Variants in CC2D2B observed in about 807,000 individuals in gnomAD.
CC2D2B encodes coiled-coil and C2 domain containing 2B, also known as protein CC2D2B.
A neutral mutation model predicts 161.2 loss-of-function variants in CC2D2B; 128 were observed. The observed-to-expected ratio is 0.79, with a 90% CI of 0.69 to 0.92. The LOEUF (loss-of-function observed/expected upper bound fraction) is 0.92, where lower values mean the gene tolerates loss of function less well. Ranked by LOEUF, CC2D2B falls within the 40% of genes least tolerant of loss-of-function variation. The pLI is 0.00. For synonymous variants in CC2D2B, 391 were observed against 449.8 expected, an observed-to-expected ratio of 0.87 and a Z score of 1.65; for missense variants, 1,173 against 1,375.1, an observed-to-expected ratio of 0.85 and a Z score of 2.32.
intron 5 of CC2D2B, among the ~76,000 whole-genome samples, 179 bp downstream of exon 5, chr10:95,925,023 G>C (rs2098535907): frequency 6.6e-6 from 1 of 152,076 alleles, no homozygotes; most frequent in Admixed American, 6.6e-5. Flanking sequence ...CTCTTTATCA[G>C]TGATTGCCCA....
intron 9 of CC2D2B, among the ~76,000 whole-genome samples, chr10:95,945,061 C>T (rs1218440709): frequency 2.6e-5 from 4 of 152,218 alleles, no homozygotes; most frequent in Admixed American, 2.6e-4. Context: ...CACAGCATTC[C>T]TCCCTTCCAG....
At chr10:95,946,173 C>A (rs886342524) in intron 9 of CC2D2B, among the ~76,000 whole-genome samples, 50 of 152,336 alleles carry the variant, frequency 3.3e-4, no homozygotes, top group East Asian at 5.8e-4. Context: ...ATAAGGAACA[C>A]ATAAAGTACT....
chr10:95,924,438 G>A (rs1255559302), intron 4 of CC2D2B, 48 bp downstream of exon 4: 3 of 1,016,926 alleles, frequency 3.0e-6, no homozygotes, highest in African/African-American at 3.3e-5. Context: ...ATTTAAATGA[G>A]ACATTTAACA....
intron 19 of CC2D2B, among the ~76,000 whole-genome samples, chr10:95,987,688 A>T (rs1344315228): frequency 1.3e-5 from 2 of 152,198 alleles, no homozygotes; most frequent in African/African-American, 4.8e-5. Context: ...TAGTCAACAC[A>T]CATTAACTAC....
intron 6 of CC2D2B, among the ~76,000 whole-genome samples, chr10:95,936,960 C>T (rs998201513): frequency 1.3e-5 from 2 of 152,100 alleles, no homozygotes; most frequent in Admixed American, 1.3e-4. Flanking sequence ...CAAAGAGAGC[C>T]CCCATGTGGA....
chr10:95,950,261 TG>T (rs1193034527), intron 10 of CC2D2B, among the ~76,000 whole-genome samples, 156 bp downstream of exon 10: 1 of 152,168 alleles, frequency 6.6e-6, no homozygotes, highest in Non-Finnish European at 1.5e-5. Flanking sequence ...ATTGACTGGC[TG>T]GGGAGAAAGC....
chr10:96,024,941 G>A, intron 33 of CC2D2B, 30 bp downstream of exon 33: 1 of 1,373,188 alleles, frequency 7.3e-7, no homozygotes, highest in Non-Finnish European at 1.0e-6. Context: ...TCTCTTGTTG[G>A]GTTACCTTTC....
At position 95,999,447 on chromosome 10, in the gene CC2D2B, T is replaced by C. The variant is rs182403168; in HGVS notation, c.2849+3195T>C. 5.7e-3 allele frequency among the ~76,000 whole-genome samples: 872 copies of C among 152,206 alleles called. 5 individuals carry two copies. Among genetic ancestry groups the C allele is most frequent in the Middle Eastern group, 0.014 (4 of 294 alleles). The stretch of plus-strand genomic sequence containing the variant: ...AATGACCTTTCATTACTTTTGTCTG[T>C]TTTTCTTTTTTTTTTCTTTTTGGAA... On this transcript the variant is annotated intron_variant, in intron 24 of 34. Coordinates refer to ENST00000646931, the MANE Select transcript of CC2D2B (RefSeq NM_001349008.3).
chr10:96,029,290 A>ATCTATATATATATG (rs1564689352), intron 34 of CC2D2B, among the ~76,000 whole-genome samples: 18 of 92,058 alleles, frequency 2.0e-4, no homozygotes, highest in Non-Finnish European at 2.4e-4. Flanking sequence ...ATATATGTAT[A>ATCTATATATATATG]TATATATATA....
chr10:95,918,893 G>A (rs1467955378), intron 2 of CC2D2B: 5 of 151,922 alleles, frequency 3.3e-5, no homozygotes, highest in Admixed American at 3.3e-4. Flanking sequence ...CAATTCTAAT[G>A]TTGGGAGACT....
chr10:95,934,255 G>A (rs1424519166), intron 6 of CC2D2B, among the ~76,000 whole-genome samples: 1 of 152,120 alleles, frequency 6.6e-6, no homozygotes, highest in Non-Finnish European at 1.5e-5. Context: ...GTCCCAGGTC[G>A]ACTTCAGACT....
Position 95,992,578 on chromosome 10 carries a change from A to G in CC2D2B, c.2523A>G (p.Lys841=), listed in dbSNP as rs1030535750. 5 of 1,234,156 alleles carry G rather than the reference A, an allele frequency of 4.1e-6. No individual in the cohort carries two copies. The African/African-American group carries it at 6.2e-5, about 15-fold the overall frequency. The allele number at this position is 1,234,156 out of a possible 1,614,324, so 76.5% of individuals were successfully genotyped here. A position where few individuals can be genotyped will look rare whatever the true frequency, so the allele number is the denominator to read the frequency against. Residue 841 remains lysine, a synonymous_variant, in exon 22 of 35, where the codon AAA becomes AAG. Transcript: ENST00000646931. ...CKFVEPRRKL[K]PQRKERKKVT... ...TTGTTGAACCACGGAGAAAGTTAAAACCTCAGAGGAAAGAAAGGAAAAAAG... is the reference window on the plus strand; with the variant it reads ...TTGTTGAACCACGGAGAAAGTTAAAGCCTCAGAGGAAAGAAAGGAAAAAAG...
chr10:95,914,915 A>G (rs1489912174), intron 2 of CC2D2B, among the ~76,000 whole-genome samples: 1 of 152,196 alleles, frequency 6.6e-6, no homozygotes, highest in African/African-American at 2.4e-5. Context: ...TAGGTTCCCT[A>G]TAAATTTTAG....
At chr10:95,991,225 A>G (rs2077944136) in intron 20 of CC2D2B, 145 bp from the exon 21 acceptor site, 2 of 333,692 alleles carry the variant, frequency 6.0e-6, no homozygotes, top group South Asian at 1.6e-4. Flanking sequence ...AGCAAACAGA[A>G]GAGTATTTTC....
intron 2 of CC2D2B, among the ~76,000 whole-genome samples, chr10:95,914,407 G>C (rs967196784): frequency 5.9e-5 from 9 of 152,036 alleles, no homozygotes; most frequent in African/African-American, 1.9e-4. Flanking sequence ...GAAGTCAGTG[G>C]TATGGTTTGG....
At chr10:95,967,021 A>C (rs1175742461) in intron 14 of CC2D2B, among the ~76,000 whole-genome samples, 1 of 152,102 alleles carries the variant, frequency 6.6e-6, no homozygotes, top group African/African-American at 2.4e-5. Flanking sequence ...GTACCAGTCC[A>C]TCATTGAGTA....
intron 25 of CC2D2B, among the ~76,000 whole-genome samples, chr10:96,008,576 A>C (rs1351824500): frequency 6.6e-6 from 1 of 152,138 alleles, no homozygotes; most frequent in Non-Finnish European, 1.5e-5. Flanking sequence ...TCAAACTTTT[A>C]AACTTTAGCC....
intron 6 of CC2D2B, among the ~76,000 whole-genome samples, chr10:95,934,245 G>A (rs557211282): frequency 6.9e-4 from 105 of 152,210 alleles, no homozygotes; most frequent in African/African-American, 2.2e-3. Flanking sequence ...AAGCTTGAGC[G>A]TCCCAGGTCG....
At chr10:95,972,506 G>T (rs1357851162) in intron 16 of CC2D2B, among the ~76,000 whole-genome samples, 1 of 152,098 alleles carries the variant, frequency 6.6e-6, no homozygotes, top group East Asian at 1.9e-4. Context: ...TAGAGACAGG[G>T]TTTCACCATT....
Sources: allele counts gnomAD v4.1 joint callset (sites outside exome capture counted in the v4.1 genomes callset), GRCh38; gene constraint gnomAD v4.1.1; transcripts MANE v1.5; gene names NCBI Gene and HGNC (gene_info 2026-07-23, HGNC 2026-07-21).